Variants in NOC2L observed in about 807,000 individuals in gnomAD.
The protein encoded by NOC2L is nucleolar complex protein 2 homolog.
Under a neutral mutation model 94.2 loss-of-function variants are expected in NOC2L, and 101 were observed. That is an observed-to-expected ratio of 1.07 (90% CI 0.91 to 1.26). The LOEUF is 1.26. Among genes scored for constraint, NOC2L ranks in the 50% most tolerant of loss-of-function variants. The pLI, the probability that NOC2L is intolerant of heterozygous loss-of-function variation, is 0.00. For missense variants in NOC2L, 1,076 were observed against 980.1 expected (o/e 1.10, Z -1.31); for synonymous variants, 531 against 413.4 (o/e 1.28, Z -3.45).
chr1:947,359 CAT>C (rs1021217535), intron 14 of NOC2L, among the ~76,000 whole-genome samples: 37 of 152,314 alleles, frequency 2.4e-4, no homozygotes, highest in African/African-American at 4.6e-4. Flanking sequence ...GTGCATGTGA[CAT>C]GTGTGGCCGT....
At chr1:958,789 A>T (rs1189097188) in intron 2 of NOC2L, 140 bp downstream of exon 2, 13 of 836,672 alleles carry the variant, frequency 1.6e-5, no homozygotes, top group Non-Finnish European at 2.6e-5. Context: ...CGGATGAAAG[A>T]GTAAGTTAAG....
In NOC2L at chr1:945,158, G is replaced by A; in HGVS notation, c.2054-12C>T. On this transcript the variant is annotated splice_polypyrimidine_tract_variant and intron_variant, in intron 17 of 18. Coordinates refer to ENST00000327044, the MANE Select transcript of NOC2L (RefSeq NM_015658.4). ...GGGCCTCAGTATCCCTGAGGAACAA[G>A]AAGCAGAGTCCATATGACTCCCACC... The A allele has an allele frequency of 3.1e-6, 5 of 1,590,010 alleles. No homozygotes were observed. Among genetic ancestry groups the A allele is most frequent in the Non-Finnish European group, 4.3e-6 (5 of 1,167,924 alleles).
intron 6 of NOC2L, chr1:954,481 C>G (rs1642345573): frequency 5.2e-6 from 1 of 192,424 alleles, no homozygotes; most frequent in Admixed American, 6.0e-5. Flanking sequence ...GTCGCCCAGG[C>G]ACCACCAACT....
At chr1:946,981 C>T (rs1054067730) in intron 14 of NOC2L, 4 of 173,014 alleles carry the variant, frequency 2.3e-5, no homozygotes. Context: ...CGCTTGAGCC[C>T]AGGAGATGGA....
intron 6 of NOC2L, chr1:954,636 C>T (rs1642352995): frequency 6.6e-6 from 1 of 152,600 alleles, no homozygotes; most frequent in Non-Finnish European, 1.5e-5. Context: ...AGTTTGAGAC[C>T]AGCCTGAACA....
chr1:956,653 T>G (rs372289438), intron 4 of NOC2L, among the ~76,000 whole-genome samples: 1 of 152,162 alleles, frequency 6.6e-6, no homozygotes, highest in African/African-American at 2.4e-5. Flanking sequence ...CACACAGTCC[T>G]GGGGCAACCA....
rs149040522 is a variant in NOC2L at position 945,525 on chromosome 1, C to T, written c.2046G>A (p.Ser682=). 3.8e-5 allele frequency: 62 copies of T among 1,613,682 alleles called. No homozygotes were observed. The highest frequency in any genetic ancestry group is 9.3e-5 in the African/African-American group (7 of 74,918). ...GCACCACGCAGGCCCCACCTCTCTC[C>T]GAGAATCCCTCGGTGTCGTCCTCTT... The part of the protein sequence containing the change: ...SSEEDDTEGF[S]ERGILRPLST... The change falls in exon 17 of 19, where the codon TCG becomes TCA. Residue 682 remains serine (S), a synonymous_variant. Transcript: ENST00000327044.
rs774955688 is a variant in NOC2L, at chr1:946,516, C to G, written c.1689G>C (p.Val563=). ...QLKSFLRECK[V]ANYCRQVQQL... ...GCTGCACCTGCCGGCAGTAGTTGGCCACCTTGCACTCCCGGAGGAACGACT... is the reference window on the plus strand; with the variant it reads ...GCTGCACCTGCCGGCAGTAGTTGGCGACCTTGCACTCCCGGAGGAACGACT... Residue 563 remains valine (V), a synonymous_variant, in exon 15 of 19, where the codon GTG becomes GTC. Transcript: ENST00000327044. 9 of 1,613,080 alleles carry G rather than the reference C, an allele frequency of 5.6e-6. No individual in the cohort carries two copies. In the African/African-American group the frequency reaches 6.7e-5, roughly 12 times the overall value.
At position 951,232 on chromosome 1, in the gene NOC2L, G is replaced by C. The variant is rs754845161; in HGVS notation, c.1338C>G (p.Ile446Met). The C allele has an allele frequency of 5.1e-6, 8 of 1,580,580 alleles. No homozygotes were observed. Among genetic ancestry groups the C allele is most frequent in the Non-Finnish European group, 1.7e-6 (2 of 1,163,248 alleles). ...GCAGCGGGTAGAAGCGGGCAGTGGG[G>C]ATGAGCCTGGGGGTGGGAAGGCCGA... ...AQVIIGCIKLIPTARFYPLRM... is the reference protein window; with the variant it reads ...AQVIIGCIKLMPTARFYPLRM... Residue 446 changes from isoleucine (I) to methionine (M), a missense_variant, in exon 12 of 19, where the codon ATC (isoleucine) becomes ATG (methionine). Transcript: ENST00000327044.
At chr1:953,363 C>T in intron 8 of NOC2L, 75 bp from the exon 9 acceptor site, 2 of 873,224 alleles carry the variant, frequency 2.3e-6, no homozygotes, top group Non-Finnish European at 3.7e-6. Flanking sequence ...CACAGCCCTC[C>T]CCAGCCAGGC....
Position 959,033 on chromosome 1 carries a change from G to A in NOC2L, c.75C>T (p.Asp25=), listed in dbSNP as rs757503620. ...TVDEFLASGF[D]SESESESENS... ...TTTCGGACTCGGATTCGGACTCGGA[G>A]TCAAAGCCCGAAGCTAGGAACTCGT... Residue 25 remains aspartate, a synonymous_variant, in exon 2 of 19, where the codon GAC becomes GAT. Coordinates refer to ENST00000327044, the MANE Select transcript of NOC2L (RefSeq NM_015658.4). The A allele has an allele frequency of 1.9e-6, 3 of 1,612,092 alleles. No individual in the cohort carries two copies. The highest frequency in any genetic ancestry group is 8.5e-7 in the Non-Finnish European group (1 of 1,179,494).
At chr1:959,138 TG>T in intron 1 of NOC2L, 57 bp from the exon 2 acceptor site, 1 of 1,611,870 alleles carries the variant, frequency 6.2e-7, no homozygotes, top group Non-Finnish European at 8.5e-7. Context: ...CCAGCCCCGC[TG>T]AGAGGAGCAA....
At position 957,486 on chromosome 1, in the gene NOC2L, C is replaced by A. The variant is rs1386769000; in HGVS notation, c.180-213G>T. ...ACACAGGCCCCCCAGCCGCGGTCTTCCCTGGACTTGCTGTGCCTGCGCCCT... is the reference window on the plus strand; with the variant it reads ...ACACAGGCCCCCCAGCCGCGGTCTTACCTGGACTTGCTGTGCCTGCGCCCT... On this transcript the variant is annotated intron_variant, in intron 2 of 18. Coordinates refer to ENST00000327044, the MANE Select transcript of NOC2L (RefSeq NM_015658.4). 3 of 576,302 alleles carry A rather than the reference C, an allele frequency of 5.2e-6. No individual in the cohort carries two copies. The African/African-American group carries it at 5.6e-5, about 11-fold the overall frequency. 35.7% of individuals were successfully genotyped at this position (576,302 alleles called of 1,614,324 possible).
intron 2 of NOC2L, chr1:957,562 G>A (rs1642447346): frequency 7.5e-6 from 3 of 401,410 alleles, no homozygotes; most frequent in South Asian, 3.5e-5. Flanking sequence ...CTGTGCCTGT[G>A]CCCTGCGCTA....
intron 2 of NOC2L, chr1:958,667 A>G (rs1160066765): frequency 1.5e-6 from 1 of 670,734 alleles, no homozygotes; most frequent in Non-Finnish European, 2.7e-6. Context: ...CGGTGATTTC[A>G]CCCAAGAACG....
chr1:946,656 G>A (rs1642126797), intron 14 of NOC2L, 111 bp from the exon 15 acceptor site: 4 of 1,294,718 alleles, frequency 3.1e-6, no homozygotes, highest in Admixed American at 4.2e-5. Flanking sequence ...CCCAGGAGGG[G>A]ACATGGATCC....
intron 6 of NOC2L, 134 bp downstream of exon 6, chr1:955,789 G>T (rs1642384605): frequency 6.5e-6 from 5 of 768,644 alleles, no homozygotes; most frequent in Non-Finnish European, 1.1e-5. Context: ...GTGCCCCGCT[G>T]CCTTCTCAGG....
chr1:953,719 TG>T, intron 8 of NOC2L, 62 bp downstream of exon 8: 1 of 1,227,274 alleles, frequency 8.1e-7, no homozygotes, highest in Non-Finnish European at 1.2e-6. Flanking sequence ...TGGGATGTGG[TG>T]GGGGTAGCCG....
intron 12 of NOC2L, among the ~76,000 whole-genome samples, chr1:950,021 C>T (rs755589148): frequency 1.3e-5 from 2 of 152,234 alleles, no homozygotes; most frequent in Non-Finnish European, 2.9e-5. Context: ...AAAGTTGAAA[C>T]TTCGGACTCC....
Sources: gnomAD v4.1 joint callset for allele counts (sites outside exome capture counted in the v4.1 genomes callset) on GRCh38, gnomAD v4.1.1 for gene constraint, MANE v1.5 for transcripts, NCBI Gene and HGNC (gene_info 2026-07-23, HGNC 2026-07-21) for gene names.